AOAH: variants seen among roughly 807,000 people sequenced by gnomAD.
AOAH encodes the protein acyloxyacyl hydrolase (neutrophil).
In AOAH, 64 loss-of-function variants were observed where a neutral mutation model predicts 92.2. The observed-to-expected ratio is 0.69, with a 90% CI of 0.57 to 0.86. AOAH has a LOEUF of 0.86. Among genes scored for constraint, AOAH ranks in the 40% least tolerant of loss-of-function variants. The pLI is 0.00. For synonymous variants in AOAH, 263 were observed against 254.5 expected (o/e 1.03, Z -0.32); for missense variants, 656 against 694.6 (o/e 0.94, Z 0.62).
chr7:36,658,466 G>A (rs1235168114), intron 4 of AOAH, among the ~76,000 whole-genome samples: 2 of 152,136 alleles, frequency 1.3e-5, no homozygotes, highest in African/African-American at 4.8e-5. Flanking sequence ...CATCCAGAGT[G>A]TGCGGAGGGA....
At chr7:36,696,251 G>C (rs1797701769) in intron 1 of AOAH, among the ~76,000 whole-genome samples, 1 of 152,142 alleles carries the variant, frequency 6.6e-6, no homozygotes, top group Admixed American at 6.5e-5. Context: ...AATTGTGGCT[G>C]TTCTGGCTTC....
intron 12 of AOAH, among the ~76,000 whole-genome samples, chr7:36,583,832 G>A (rs1789113322): frequency 6.6e-6 from 1 of 152,004 alleles, no homozygotes; most frequent in Non-Finnish European, 1.5e-5. Flanking sequence ...TCTCCATCCT[G>A]GCCTTTCCCA....
chr7:36,634,193 T>C (rs1165856768), intron 5 of AOAH, among the ~76,000 whole-genome samples: 1 of 152,150 alleles, frequency 6.6e-6, no homozygotes, highest in Non-Finnish European at 1.5e-5. Flanking sequence ...AGACCACTCC[T>C]CATATTGTCT....
At chr7:36,518,874 C>T (rs1247308189) in intron 20 of AOAH, among the ~76,000 whole-genome samples, 6 of 152,144 alleles carry the variant, frequency 3.9e-5, no homozygotes, top group East Asian at 1.9e-4. Flanking sequence ...GGCCTGGGAC[C>T]GCTGTGGAGA....
At chr7:36,626,184 G>A (rs1792649900) in intron 6 of AOAH, among the ~76,000 whole-genome samples, 1 of 152,214 alleles carries the variant, frequency 6.6e-6, no homozygotes, top group Non-Finnish European at 1.5e-5. Context: ...TCAACAGAGA[G>A]AGAGAGAGAG....
At chr7:36,537,108 G>A (rs1193441211) in intron 16 of AOAH, among the ~76,000 whole-genome samples, 2 of 152,088 alleles carry the variant, frequency 1.3e-5, no homozygotes, top group African/African-American at 4.8e-5. Flanking sequence ...GAAAGACCCT[G>A]ATGCTTCGTT....
At chr7:36,615,517 A>G (rs2727814) in intron 11 of AOAH, among the ~76,000 whole-genome samples, 103,934 of 151,976 alleles carry the variant, frequency 0.68, 35,765 homozygotes, top group African/African-American at 0.77. Flanking sequence ...GGAAGCCCCA[A>G]CTGCAGGTGA....
chr7:36,570,763 T>A (rs907042895), intron 13 of AOAH, among the ~76,000 whole-genome samples: 2 of 152,214 alleles, frequency 1.3e-5, no homozygotes, highest in African/African-American at 2.4e-5. Context: ...CCAATTGTGG[T>A]TTTTGCCCAC....
intron 2 of AOAH, among the ~76,000 whole-genome samples, chr7:36,675,327 C>G (rs1411769395): frequency 1.3e-5 from 2 of 152,098 alleles, no homozygotes; most frequent in Non-Finnish European, 2.9e-5. Context: ...TATGAGTGAC[C>G]TTAAAGAAAT....
chr7:36,723,881 CTG>C, intron 1 of AOAH, 139 bp downstream of exon 1: 2 of 853,528 alleles, frequency 2.3e-6, no homozygotes, highest in Non-Finnish European at 3.4e-6. Context: ...CCACATTTCT[CTG>C]TGTCAGTGAG....
At position 36,723,142 on chromosome 7, in the gene AOAH, A is replaced by C. The variant is rs1229861836; in HGVS notation, c.127+880T>G. 6.6e-5 allele frequency among the ~76,000 whole-genome samples: 10 copies of C among 151,992 alleles called. No homozygotes were observed. In the South Asian group the frequency reaches 1.0e-3, roughly 16 times the overall value. On this transcript the variant is annotated intron_variant, in intron 1 of 20. Coordinates refer to ENST00000617537, the MANE Select transcript of AOAH (RefSeq NM_001637.4). ...TAGCCATCAGACTTATCCTAGAGTT[A>C]TTTTCCTGGCTTCTCAAGCTAGGAT...
chr7:36,634,909 T>C lies in AOAH; in HGVS notation c.451-2803A>G, dbSNP rs138368099. 6.8e-3 allele frequency among the ~76,000 whole-genome samples: 1,030 copies of C among 152,356 alleles called. 9 individuals are homozygous for C. Among genetic ancestry groups the C allele is most frequent in the Middle Eastern group, 0.024 (7 of 294 alleles). ...TGCTGTCAAAATTCAGCCTGATGGC[T>C]GCAGCTGTCTTTGCCATTCATTGTG... On this transcript the variant is annotated intron_variant, in intron 5 of 20. Transcript: ENST00000617537.
At chr7:36,521,976 C>A (rs2115831308) in intron 20 of AOAH, 63 bp downstream of exon 20, 1 of 1,382,036 alleles carries the variant, frequency 7.2e-7, no homozygotes, top group Non-Finnish European at 1.0e-6. Flanking sequence ...GAATGTGTAA[C>A]CATAATTAAA....
intron 13 of AOAH, among the ~76,000 whole-genome samples, chr7:36,569,487 A>ATCTG (rs1787947873): frequency 6.6e-6 from 1 of 151,350 alleles, no homozygotes; most frequent in African/African-American, 2.4e-5. Context: ...CTATCTATCT[A>ATCTG]TCTATCTATC....
chr7:36,627,266 T>C (rs934841089), intron 6 of AOAH, among the ~76,000 whole-genome samples: 3 of 152,230 alleles, frequency 2.0e-5, no homozygotes, highest in African/African-American at 7.2e-5. Context: ...TAACTCTGTA[T>C]AGCAGAAGAA....
At chr7:36,669,603 A>C (rs927339088) in intron 3 of AOAH, among the ~76,000 whole-genome samples, 2 of 152,012 alleles carry the variant, frequency 1.3e-5, no homozygotes, top group Non-Finnish European at 2.9e-5. Context: ...GGTTGATCTC[A>C]AACTCCTGAC....
At chr7:36,574,053 G>A (rs1788322348) in intron 13 of AOAH, among the ~76,000 whole-genome samples, 1 of 152,118 alleles carries the variant, frequency 6.6e-6, no homozygotes, top group Non-Finnish European at 1.5e-5. Flanking sequence ...TCAAAAGAAA[G>A]TCCATAGCAA....
chr7:36,720,359 G>A (rs533301790), intron 1 of AOAH, among the ~76,000 whole-genome samples: 60 of 150,638 alleles, frequency 4.0e-4, no homozygotes, highest in Non-Finnish European at 5.9e-4. Context: ...TTTTAGTAGA[G>A]ACAGGGTTTC....
intron 3 of AOAH, 27 bp downstream of exon 3, chr7:36,673,916 C>T: frequency 2.6e-6 from 4 of 1,533,358 alleles, no homozygotes; most frequent in Non-Finnish European, 2.7e-6. Flanking sequence ...GCAATGGAAT[C>T]AGAGTTATGT....
Sources: allele counts gnomAD v4.1 joint callset (sites outside exome capture counted in the v4.1 genomes callset), GRCh38; gene constraint gnomAD v4.1.1; transcripts MANE v1.5; gene names NCBI Gene and HGNC (gene_info 2026-07-23, HGNC 2026-07-21).